The following MGAT4A variants were observed in gnomAD, a reference collection of about 807,000 sequenced individuals.
MGAT4A encodes the protein N-acetylglucosaminyltransferase IVa.
In MGAT4A, 33 loss-of-function variants were observed where a neutral mutation model predicts 74.1. The ratio of observed to expected loss-of-function variants is 0.45; its 90% CI spans 0.34 to 0.60. The LOEUF (loss-of-function observed/expected upper bound fraction) is 0.60, where lower values mean the gene tolerates loss of function less well. Among genes scored for constraint, MGAT4A ranks in the 20% least tolerant of loss-of-function variants. The probability of loss-of-function intolerance (pLI) is 0.02; values close to 1 mark genes in which losing one functional copy is unlikely to be tolerated. For missense variants in MGAT4A, 479 were observed against 628.3 expected, an observed-to-expected ratio of 0.76 and a Z score of 2.54; for synonymous variants, 198 against 210.4, an observed-to-expected ratio of 0.94 and a Z score of 0.51.
chr2:98,623,454 T>C lies in MGAT4A; in HGVS notation c.*2112A>G, dbSNP rs778404883. 1.3e-5 allele frequency: 13 copies of C among 985,330 alleles called. No homozygotes were observed. The highest frequency in any genetic ancestry group is 1.6e-5 in the Non-Finnish European group (13 of 829,938). 61.0% of individuals were successfully genotyped at this position (985,330 alleles called of 1,614,324 possible). On this transcript the variant is annotated 3_prime_UTR_variant, in exon 16 of 16. Transcript: ENST00000393487. ...GCCCACCTGCAGAGATTTTTACTTC[T>C]GGTACTCAGTTATCTTTGCAGTAAT... is the stretch of plus-strand genomic sequence containing the variant.
intron 4 of MGAT4A, chr2:98,663,394 G>A: frequency 5.3e-6 from 8 of 1,514,514 alleles, no homozygotes; most frequent in Non-Finnish European, 7.1e-6. Flanking sequence ...AAAAAGAACT[G>A]ATAAAAATGA....
At chr2:98,662,201 C>A (rs1368088477) in intron 5 of MGAT4A, among the ~76,000 whole-genome samples, 1 of 152,202 alleles carries the variant, frequency 6.6e-6, no homozygotes, top group Non-Finnish European at 1.5e-5. Flanking sequence ...AATATGGCTA[C>A]ATATGTTGTT....
intron 2 of MGAT4A, among the ~76,000 whole-genome samples, chr2:98,702,665 A>G (rs986789771): frequency 9.2e-5 from 14 of 152,228 alleles, no homozygotes; most frequent in African/African-American, 3.4e-4. Flanking sequence ...ACAGGTCCTG[A>G]GCAGAGAAGG....
At chr2:98,694,580 T>C (rs1484637778) in intron 2 of MGAT4A, 2 of 152,684 alleles carry the variant, frequency 1.3e-5, no homozygotes, top group African/African-American at 2.4e-5. Flanking sequence ...TCCTAGCACT[T>C]TGGGAGGCCG....
chr2:98,727,728 C>G (rs571228566), intron 1 of MGAT4A, among the ~76,000 whole-genome samples: 1 of 152,206 alleles, frequency 6.6e-6, no homozygotes, highest in African/African-American at 2.4e-5. Context: ...GAAATTGCCA[C>G]CACCACTGCT....
Position 98,686,718 on chromosome 2 carries a change from T to C in MGAT4A, c.95-8247A>G, listed in dbSNP as rs1207948268. Among the ~76,000 whole-genome samples the C allele has an allele frequency of 2.0e-5, 3 of 152,198 alleles. No homozygotes were observed. The East Asian group carries it at 5.8e-4, about 29-fold the overall frequency. ...CACACTGCCACACTCGGCCAAGTTTTTGTATTTCAGTAGAGATGGGATTTC... is the reference window on the plus strand; with the variant it reads ...CACACTGCCACACTCGGCCAAGTTTCTGTATTTCAGTAGAGATGGGATTTC... On this transcript the variant is annotated intron_variant, in intron 2 of 15. Transcript: ENST00000393487.
chr2:98,722,302 C>CT (rs1381756193), intron 2 of MGAT4A, among the ~76,000 whole-genome samples: 36 of 152,320 alleles, frequency 2.4e-4, no homozygotes, highest in Admixed American at 1.2e-3. Context: ...ATACAAGGGA[C>CT]TATTATTCAG....
chr2:98,670,978 A>T (rs78438239), intron 4 of MGAT4A, among the ~76,000 whole-genome samples: 1 of 152,150 alleles, frequency 6.6e-6, no homozygotes, highest in African/African-American at 2.4e-5. Context: ...TCATATTCAA[A>T]TTTAATCTAT....
At chr2:98,649,483 G>T (rs530842937) in intron 8 of MGAT4A, among the ~76,000 whole-genome samples, 1 of 152,108 alleles carries the variant, frequency 6.6e-6, no homozygotes, top group East Asian at 1.9e-4. Flanking sequence ...TGACTTTTTC[G>T]AGTGCAGCCA....
At chr2:98,629,374 G>A (rs1339523476) in intron 14 of MGAT4A, among the ~76,000 whole-genome samples, 2 of 152,146 alleles carry the variant, frequency 1.3e-5, no homozygotes, top group African/African-American at 4.8e-5. Flanking sequence ...TTATTTCATA[G>A]AAGTTTGTCC....
intron 4 of MGAT4A, among the ~76,000 whole-genome samples, chr2:98,667,693 G>A (rs1701854780): frequency 6.8e-6 from 1 of 147,274 alleles, no homozygotes; most frequent in Non-Finnish European, 1.5e-5. Flanking sequence ...AAGGCATTCA[G>A]TTTTTGTTGT....
chr2:98,645,597 GAA>G, intron 8 of MGAT4A, 55 bp from the exon 9 acceptor site: 1 of 1,256,884 alleles, frequency 8.0e-7, no homozygotes, highest in Non-Finnish European at 1.1e-6. Flanking sequence ...GGTATTGAGA[GAA>G]GGATATTATT....
intron 2 of MGAT4A, among the ~76,000 whole-genome samples, chr2:98,714,627 C>T (rs1488926388): frequency 6.6e-6 from 1 of 152,030 alleles, no homozygotes; most frequent in East Asian, 1.9e-4. Context: ...CTCTATTCTC[C>T]AAAGGAACTA....
At chr2:98,655,213 A>G (rs570344044) in intron 8 of MGAT4A, among the ~76,000 whole-genome samples, 9 of 152,258 alleles carry the variant, frequency 5.9e-5, no homozygotes, top group African/African-American at 1.9e-4. Context: ...GAGGAAAAAG[A>G]TAAGTGAGTT....
rs1411102238 is a variant in MGAT4A, at chr2:98,620,026, C to T, written c.*5540G>A. The T allele has an allele frequency of 6.6e-6, 1 of 152,084 alleles. No homozygotes were observed. Among genetic ancestry groups the T allele is most frequent in the Non-Finnish European group, 1.5e-5 (1 of 68,032 alleles). 9.4% of individuals were successfully genotyped at this position (152,084 alleles called of 1,614,324 possible). A position where few individuals can be genotyped will look rare whatever the true frequency, so the allele number is the denominator to read the frequency against. ...TTCTAAATTCTCAGCTCAGATGCAC[C>T]CTGGAGTGCCAGCTTGCTCCTTCCT... On this transcript the variant is annotated 3_prime_UTR_variant, in exon 16 of 16. Coordinates refer to ENST00000393487, the MANE Select transcript of MGAT4A (RefSeq NM_012214.3).
Position 98,624,125 on chromosome 2 carries a change from G to C in MGAT4A, c.*1441C>G. On this transcript the variant is annotated 3_prime_UTR_variant, in exon 16 of 16. Coordinates refer to ENST00000393487, the MANE Select transcript of MGAT4A (RefSeq NM_012214.3). ...CCTCCTGGGTTCACGCCATTCTCCT[G>C]CCTCAGCCTCCCAAGTAGCTGGGAT... The C allele has an allele frequency of 1.4e-6, 1 of 715,992 alleles. No homozygotes were observed. Among genetic ancestry groups the C allele is most frequent in the Non-Finnish European group, 1.7e-6 (1 of 583,996 alleles). 44.4% of individuals were successfully genotyped at this position (715,992 alleles called of 1,614,324 possible).
intron 8 of MGAT4A, among the ~76,000 whole-genome samples, chr2:98,652,738 C>A (rs574573344): frequency 1.4e-4 from 21 of 152,264 alleles, no homozygotes; most frequent in Admixed American, 6.5e-4. Context: ...ACCTCAGACT[C>A]CCGAGTAGGT....
intron 3 of MGAT4A, among the ~76,000 whole-genome samples, 195 bp from the exon 4 acceptor site, chr2:98,675,370 G>C (rs778090946): frequency 6.6e-6 from 1 of 152,142 alleles, no homozygotes; most frequent in Non-Finnish European, 1.5e-5. Flanking sequence ...TCATGATGTT[G>C]ATAAAACTGG....
chr2:98,629,664 C>A (rs560281123), intron 14 of MGAT4A, among the ~76,000 whole-genome samples: 1 of 152,306 alleles, frequency 6.6e-6, no homozygotes, highest in South Asian at 2.1e-4. Flanking sequence ...ACCTAAGTAT[C>A]CATCACTAGG....
Sources: gnomAD v4.1 joint callset for allele counts (sites outside exome capture counted in the v4.1 genomes callset) on GRCh38, gnomAD v4.1.1 for gene constraint, MANE v1.5 for transcripts, NCBI Gene and HGNC (gene_info 2026-07-23, HGNC 2026-07-21) for gene names.